PACS2: variants seen among roughly 807,000 people sequenced by gnomAD.
PACS2 encodes PACS1-like protein.
PACS2 carries 36 observed loss-of-function variants against 113.0 expected under a neutral mutation model. The observed-to-expected ratio is 0.32, with a 90% CI of 0.24 to 0.42. The LOEUF is 0.42. Ranked by LOEUF, PACS2 falls within the 10% of genes least tolerant of loss-of-function variation. The pLI is 1.00. For missense variants in PACS2, 1,015 were observed against 1,239.5 expected (o/e 0.82, Z 2.72); for synonymous variants, 589 against 536.1 (o/e 1.10, Z -1.36).
intron 23 of PACS2, 37 bp downstream of exon 23, chr14:105,392,882 A>AAGGGCGGCTCTGTGGGAG: frequency 1.3e-6 from 2 of 1,495,552 alleles, no homozygotes; most frequent in Non-Finnish European, 1.8e-6. Flanking sequence ...CACGGCGCAG[A>AAGGGCGGCTCTGTGGGAG]AGGGCGGCTC....
chr14:105,370,340 T>C (rs2061106658), intron 8 of PACS2: 1 of 114,966 alleles, frequency 8.7e-6, no homozygotes, highest in African/African-American at 3.6e-5. Flanking sequence ...TGACATTCCA[T>C]GGATTTTTAA....
rs143369185 is a variant in PACS2 at position 105,330,886 on chromosome 14, C to A, written c.119+15849C>A. ...CCATGCAGCCTCTACCGGCATCTCA[C>A]GTGATGTCAACCTTCTGGGTCCTTG... On this transcript the variant is annotated intron_variant, in intron 1 of 24. Transcript: ENST00000447393. This position sits in a 1 kb window ranked among gnomAD's most constrained non-coding sequence, Gnocchi z 6.9. Among the ~76,000 whole-genome samples, 1 of 152,206 alleles carries A rather than the reference C, an allele frequency of 6.6e-6. No individual in the cohort carries two copies. The highest frequency in any genetic ancestry group is 6.5e-5 in the Admixed American group (1 of 15,288).
chr14:105,389,912 C>T (rs373306740), intron 19 of PACS2, 49 bp from the exon 20 acceptor site: 43 of 1,546,158 alleles, frequency 2.8e-5, no homozygotes, highest in Non-Finnish European at 3.6e-5. Context: ...GCCCACCAGG[C>T]GGGGCTGTGC....
chr14:105,327,871 A>G (rs1178147961), intron 1 of PACS2, among the ~76,000 whole-genome samples: 2 of 151,564 alleles, frequency 1.3e-5, no homozygotes, highest in Non-Finnish European at 2.9e-5. Flanking sequence ...CCGATGGACC[A>G]TTGACAGCCG....
At chr14:105,360,547 A>G (rs1304619188) in intron 4 of PACS2, among the ~76,000 whole-genome samples, 10 of 151,354 alleles carry the variant, frequency 6.6e-5, no homozygotes, top group African/African-American at 2.4e-4. Flanking sequence ...CCTCTCAAAA[A>G]AAAAAAAAAA....
chr14:105,381,143 CG>C lies in PACS2; in HGVS notation c.1268+49del, dbSNP rs781837687. The C allele has an allele frequency of 3.9e-6, 6 of 1,520,480 alleles. No homozygotes were observed. The South Asian group carries it at 7.3e-5, about 18-fold the overall frequency. The allele number at this position is 1,520,480 out of a possible 1,614,324, so 94.2% of individuals were successfully genotyped here. A position where few individuals can be genotyped will look rare whatever the true frequency, so the allele number is the denominator to read the frequency against. On this transcript the variant is annotated intron_variant, in intron 12 of 24. Transcript: ENST00000447393. ...CGGGGCGGGGCGGTGATGCACCTGT[CG>C]GGGGAGGGGCCGTCACGGGCATCAG...
intron 24 of PACS2, 80 bp downstream of exon 24, chr14:105,393,415 G>T: frequency 1.1e-6 from 1 of 898,318 alleles, no homozygotes; most frequent in East Asian, 2.5e-5. Context: ...CCCAGCCTAG[G>T]AGCTGCGGGT....
chr14:105,386,114 G>T (rs587614818), intron 19 of PACS2, among the ~76,000 whole-genome samples: 2 of 152,224 alleles, frequency 1.3e-5, no homozygotes, highest in African/African-American at 4.8e-5. Flanking sequence ...GCCCCTCCTC[G>T]TTTTAAACCA....
intron 1 of PACS2, among the ~76,000 whole-genome samples, chr14:105,318,113 C>T (rs1468297856): frequency 2.6e-5 from 4 of 152,150 alleles, no homozygotes; most frequent in South Asian, 2.1e-4. Flanking sequence ...ATTGTTTTTT[C>T]GGTTGATGTT....
rs781878450 is a variant in PACS2, at chr14:105,368,473, C to T, written c.675C>T (p.Asp225=). 1.5e-5 allele frequency: 25 copies of T among 1,613,638 alleles called. No homozygotes were observed. The highest frequency in any genetic ancestry group is 1.6e-4 in the Middle Eastern group (1 of 6,084). Residue 225 remains aspartate, a synonymous_variant, in exon 7 of 25, where the codon GAC becomes GAT. Coordinates refer to ENST00000447393, the MANE Select transcript of PACS2 (RefSeq NM_001100913.3). Reference sequence around the variant, plus strand: ...TGTCTCTGCAGGACTTGGACGAGGACGACTTTGACGTGGGGAAGCCGAAGA... The same window carrying T: ...TGTCTCTGCAGGACTTGGACGAGGATGACTTTGACGTGGGGAAGCCGAAGA... ...DAVQGQDLDE[D]DFDVGKPKKQ...
chr14:105,336,798 G>C (rs1275309306), intron 1 of PACS2: 8 of 152,252 alleles, frequency 5.3e-5, no homozygotes, highest in Non-Finnish European at 7.3e-5. Context: ...TGGTGCAGCT[G>C]TTGCGGGGAA....
Position 105,353,502 on chromosome 14 carries a change from G to A in PACS2, c.297+1035G>A, listed in dbSNP as rs146386857. On this transcript the variant is annotated intron_variant, in intron 3 of 24. Coordinates refer to ENST00000447393, the MANE Select transcript of PACS2 (RefSeq NM_001100913.3). Reference sequence around the variant, plus strand: ...CTCATCATTGCCATCAGTGTCCTGCGTTACTGCAGATCTTCTGTTGATTAT... The same window carrying A: ...CTCATCATTGCCATCAGTGTCCTGCATTACTGCAGATCTTCTGTTGATTAT... Among the ~76,000 whole-genome samples the A allele has an allele frequency of 8.4e-3, 1,279 of 152,186 alleles. 22 individuals are homozygous for A. Among genetic ancestry groups the A allele is most frequent in the African/African-American group, 0.029 (1,217 of 41,496 alleles).
At chr14:105,369,299 C>A (rs1566948399) in intron 7 of PACS2, among the ~76,000 whole-genome samples, 2 of 152,246 alleles carry the variant, frequency 1.3e-5, no homozygotes, top group Non-Finnish European at 1.5e-5. Context: ...CATTCCAGGG[C>A]CCCCTTGGGC....
At position 105,391,644 on chromosome 14, in the gene PACS2, C is replaced by T. The variant is rs782667380; in HGVS notation, c.2133C>T (p.Asp711=). 6.8e-6 allele frequency: 11 copies of T among 1,609,886 alleles called. No individual in the cohort carries two copies. Among genetic ancestry groups the T allele is most frequent in the Admixed American group, 1.7e-5 (1 of 59,854 alleles). The change falls in exon 22 of 25, where the codon GAC becomes GAT. Residue 711 remains aspartate (D), a synonymous_variant. Coordinates refer to ENST00000447393, the MANE Select transcript of PACS2 (RefSeq NM_001100913.3). ...PSSATSGDSD[D]AAPSGSGTLS... Reference sequence around the variant, plus strand: ...TCCTCCCCAAAGGCGACTCGGACGACGCGGCCCCCTCGGGCTCTGGCACGC... The same window carrying T: ...TCCTCCCCAAAGGCGACTCGGACGATGCGGCCCCCTCGGGCTCTGGCACGC...
At chr14:105,372,144 C>A (rs1388483689) in intron 8 of PACS2, 1 of 152,314 alleles carries the variant, frequency 6.6e-6, no homozygotes, top group Admixed American at 6.5e-5. Flanking sequence ...AGGTGCCACA[C>A]AGTGGGTCTG....
intron 3 of PACS2, among the ~76,000 whole-genome samples, chr14:105,352,962 C>T (rs113176235): frequency 0.025 from 2,862 of 115,000 alleles, 315 homozygotes; most frequent in African/African-American, 0.11. Context: ...CCTGGGGAGA[C>T]GGGCACCCCT....
At chr14:105,325,115 G>T (rs1421601919) in intron 1 of PACS2, among the ~76,000 whole-genome samples, 2 of 151,734 alleles carry the variant, frequency 1.3e-5, no homozygotes, top group African/African-American at 4.9e-5. Flanking sequence ...AGACACTCCA[G>T]CTGGCTCTTC....
intron 20 of PACS2, 195 bp from the exon 21 acceptor site, chr14:105,391,012 T>C (rs1555414674): frequency 1.6e-6 from 1 of 610,148 alleles, no homozygotes; most frequent in African/African-American, 1.8e-5. Context: ...GAGCACTGTC[T>C]GTCCCCACAT....
Position 105,395,047 on chromosome 14 carries a change from C to T in PACS2, c.*375C>T, listed in dbSNP as rs2081494845. ...CTCAGGGAGCCCGGGGAAGGCGGAGCTCAGTGGCCACAGGCCGAGGGCCAT... is the reference window on the plus strand; with the variant it reads ...CTCAGGGAGCCCGGGGAAGGCGGAGTTCAGTGGCCACAGGCCGAGGGCCAT... On this transcript the variant is annotated 3_prime_UTR_variant, in exon 25 of 25. Coordinates refer to ENST00000447393, the MANE Select transcript of PACS2 (RefSeq NM_001100913.3). 1 of 237,206 alleles carries T rather than the reference C, an allele frequency of 4.2e-6. No homozygotes were observed. The highest frequency in any genetic ancestry group is 8.4e-6 in the Non-Finnish European group (1 of 118,610). The allele number at this position is 237,206 out of a possible 1,614,324, so 14.7% of individuals were successfully genotyped here. A position where few individuals can be genotyped will look rare whatever the true frequency, so the allele number is the denominator to read the frequency against.
Sources: allele counts gnomAD v4.1 joint callset (sites outside exome capture counted in the v4.1 genomes callset), GRCh38; gene constraint gnomAD v4.1.1; non-coding constraint Gnocchi (gnomAD v3.1); transcripts MANE v1.5; gene names NCBI Gene and HGNC (gene_info 2026-07-23, HGNC 2026-07-21).